Variants in MYO9A observed in about 807,000 individuals in gnomAD.
MYO9A encodes myosin IXA.
In MYO9A, 103 loss-of-function variants were observed where a neutral mutation model predicts 293.3. The ratio of observed to expected loss-of-function variants is 0.35; its 90% CI spans 0.30 to 0.41. MYO9A has a LOEUF of 0.41. MYO9A is among the 10% of genes least tolerant of loss of function. The probability of loss-of-function intolerance (pLI) is 1.00; values close to 1 mark genes in which losing one functional copy is unlikely to be tolerated. For missense variants in MYO9A, 2,685 were observed against 3,033.0 expected (o/e 0.89, Z 2.69); for synonymous variants, 1,001 against 1,035.7 (o/e 0.97, Z 0.64).
At chr15:71,985,764 C>T (rs2076393350) in intron 11 of MYO9A, among the ~76,000 whole-genome samples, 1 of 152,098 alleles carries the variant, frequency 6.6e-6, no homozygotes, top group South Asian at 2.1e-4. Flanking sequence ...TACTCCAATG[C>T]CTTCAAATAT....
intron 12 of MYO9A, among the ~76,000 whole-genome samples, chr15:71,976,255 T>C (rs116733098): frequency 6.6e-6 from 1 of 152,204 alleles, no homozygotes. Context: ...TCTTCTGTGT[T>C]GATTACTGTG....
chr15:71,988,769 C>T (rs1474458781), intron 11 of MYO9A, among the ~76,000 whole-genome samples: 10 of 152,176 alleles, frequency 6.6e-5, no homozygotes, highest in Admixed American at 6.5e-4. Flanking sequence ...CTGTGTCTGC[C>T]TATGTCCTCA....
At chr15:71,950,212 C>T (rs2146508221) in intron 15 of MYO9A, 1 of 152,036 alleles carries the variant, frequency 6.6e-6, no homozygotes, top group African/African-American at 2.4e-5. Context: ...CTAATACTAT[C>T]GTGGAAAATG....
intron 1 of MYO9A, among the ~76,000 whole-genome samples, chr15:72,051,765 G>C (rs1012623094): frequency 1.3e-5 from 2 of 152,134 alleles, no homozygotes; most frequent in Admixed American, 6.5e-5. Context: ...ACTAGAGGGA[G>C]GCTGAGGGGG....
At chr15:71,862,433 T>C (rs2056175032) in intron 33 of MYO9A, 67 bp downstream of exon 33, 3 of 1,251,652 alleles carry the variant, frequency 2.4e-6, no homozygotes, top group Non-Finnish European at 2.3e-6. Flanking sequence ...AAAGGAGATA[T>C]AAGACAACTC....
chr15:71,848,979 A>G lies in MYO9A; in HGVS notation c.6714-11T>C. On this transcript the variant is annotated splice_polypyrimidine_tract_variant and intron_variant, in intron 38 of 41. Coordinates refer to ENST00000356056, the MANE Select transcript of MYO9A (RefSeq NM_006901.4). ...ATCAGTTCCACACAACTGAAACAGA[A>G]GGAAAGAGAAAAAAACTGTTAAGAG... 1 of 1,578,178 alleles carries G rather than the reference A, an allele frequency of 6.3e-7. No homozygotes were observed. Among genetic ancestry groups the G allele is most frequent in the Non-Finnish European group, 8.6e-7 (1 of 1,168,550 alleles).
chr15:71,847,109 A>C (rs1209165131), intron 39 of MYO9A, among the ~76,000 whole-genome samples: 1 of 152,236 alleles, frequency 6.6e-6, no homozygotes, highest in Non-Finnish European at 1.5e-5. Context: ...AATGCTTTTA[A>C]CTTTCACCTT....
intron 5 of MYO9A, among the ~76,000 whole-genome samples, chr15:72,019,476 A>G (rs2077437278): frequency 6.6e-6 from 1 of 152,248 alleles, no homozygotes; most frequent in African/African-American, 2.4e-5. Flanking sequence ...TATAAAAAAG[A>G]AAATCTTTAA....
intron 32 of MYO9A, among the ~76,000 whole-genome samples, chr15:71,866,245 G>C (rs1045281463): frequency 1.4e-4 from 21 of 152,240 alleles, no homozygotes; most frequent in Admixed American, 2.0e-4. Flanking sequence ...TGAAACGCTG[G>C]ATCATATATA....
intron 19 of MYO9A, among the ~76,000 whole-genome samples, chr15:71,911,916 T>G (rs973261548): frequency 6.6e-6 from 1 of 152,196 alleles, no homozygotes; most frequent in Admixed American, 6.5e-5. Flanking sequence ...AAAATATACA[T>G]TATAGTCTAC....
At chr15:72,041,986 G>A (rs1375497996) in intron 2 of MYO9A, among the ~76,000 whole-genome samples, 2 of 149,526 alleles carry the variant, frequency 1.3e-5, no homozygotes, top group African/African-American at 4.9e-5. Flanking sequence ...GGTCCAGATG[G>A]TTTCATTAAT....
At chr15:72,018,589 T>G (rs2077408322) in intron 6 of MYO9A, among the ~76,000 whole-genome samples, 1 of 152,202 alleles carries the variant, frequency 6.6e-6, no homozygotes, top group Non-Finnish European at 1.5e-5. Flanking sequence ...ATGCATTCAT[T>G]ATGTGTAAAG....
chr15:71,948,954 G>C (rs1158606153), intron 15 of MYO9A, among the ~76,000 whole-genome samples: 4 of 13,218 alleles, frequency 3.0e-4, no homozygotes, highest in African/African-American at 4.5e-4. Context: ...TTTTTTGTGA[G>C]GGGGGGGGAT....
chr15:71,976,101 G>A (rs1247919562), intron 12 of MYO9A, among the ~76,000 whole-genome samples: 2 of 152,146 alleles, frequency 1.3e-5, no homozygotes, highest in Admixed American at 1.3e-4. Context: ...GGTGGGGTGA[G>A]GTGCAGTTTT....
intron 1 of MYO9A, among the ~76,000 whole-genome samples, chr15:72,049,332 C>T (rs542732424): frequency 6.6e-6 from 1 of 152,332 alleles, no homozygotes; most frequent in Non-Finnish European, 1.5e-5. Flanking sequence ...AGATTCTGCT[C>T]TGCAATAACA....
intron 2 of MYO9A, among the ~76,000 whole-genome samples, chr15:72,035,102 A>C (rs760311184): frequency 2.0e-5 from 3 of 152,168 alleles, no homozygotes; most frequent in Non-Finnish European, 4.4e-5. Context: ...AATCAACAAA[A>C]ATTGACAATG....
chr15:71,919,916 C>T (rs1297196496), intron 18 of MYO9A, among the ~76,000 whole-genome samples: 1 of 147,806 alleles, frequency 6.8e-6, no homozygotes, highest in Non-Finnish European at 1.5e-5. Context: ...GGAGACCAGA[C>T]TTCTTCCCAT....
chr15:72,030,490 T>C (rs2077827705), intron 3 of MYO9A, among the ~76,000 whole-genome samples: 1 of 152,088 alleles, frequency 6.6e-6, no homozygotes, highest in Non-Finnish European at 1.5e-5. Flanking sequence ...ACATAATACA[T>C]ATCTATATAC....
intron 32 of MYO9A, among the ~76,000 whole-genome samples, chr15:71,863,356 G>GA (rs896132618): frequency 1.3e-5 from 2 of 151,258 alleles, no homozygotes; most frequent in African/African-American, 4.9e-5. Flanking sequence ...AATTAAAGCT[G>GA]AAAAAAATTT....
Sources: gnomAD v4.1 joint callset for allele counts (sites outside exome capture counted in the v4.1 genomes callset) on GRCh38, gnomAD v4.1.1 for gene constraint, MANE v1.5 for transcripts, NCBI Gene and HGNC (gene_info 2026-07-23, HGNC 2026-07-21) for gene names.